The following ARHGAP15 variants were observed in gnomAD, a reference collection of about 807,000 sequenced individuals.
ARHGAP15 encodes Rho GTPase activating protein 15.
Under a neutral mutation model 63.7 loss-of-function variants are expected in ARHGAP15, and 51 were observed. The observed-to-expected ratio is 0.80, with a 90% CI of 0.64 to 1.01. The LOEUF (loss-of-function observed/expected upper bound fraction) is 1.01. Ranked by LOEUF, ARHGAP15 falls within the 50% of genes least tolerant of loss-of-function variation. ARHGAP15 has a pLI of 0.00. For missense variants in ARHGAP15, 560 were observed against 564.6 expected, an observed-to-expected ratio of 0.99 and a Z score of 0.08; for synonymous variants, 191 against 193.8, an observed-to-expected ratio of 0.99 and a Z score of 0.12.
At chr2:143,626,594 T>C (rs1347186801) in intron 12 of ARHGAP15, among the ~76,000 whole-genome samples, 1 of 152,124 alleles carries the variant, frequency 6.6e-6, no homozygotes, top group Non-Finnish European at 1.5e-5. Context: ...GGCCAGCTTT[T>C]ATTCCCTTAT....
chr2:143,416,829 A>G (rs10164678), intron 6 of ARHGAP15, among the ~76,000 whole-genome samples: 5 of 104,842 alleles, frequency 4.8e-5, no homozygotes, highest in African/African-American at 1.9e-4. Flanking sequence ...CCACCCCCCC[A>G]CCCCCACGCC....
chr2:143,273,328 TTGA>T (rs1316481947), intron 6 of ARHGAP15, among the ~76,000 whole-genome samples: 3 of 152,132 alleles, frequency 2.0e-5, no homozygotes, highest in African/African-American at 2.4e-5. Flanking sequence ...TTTGAATTAT[TTGA>T]TGATGATTGG....
Position 143,519,309 on chromosome 2 carries a change from A to G in ARHGAP15, c.870A>G (p.Glu290=). The change falls in exon 10 of 14, where the codon GAA becomes GAG. Residue 290 remains glutamate (E), a synonymous_variant. Transcript: ENST00000295095. ...ATCTGCACAAAGTGTGTGAACGTGA[A>G]AATTCCACAGTTCCGTGGTTTGTAA... ...GSHLHKVCER[E]NSTVPWFVKQ... 6.2e-7 allele frequency: 1 copy of G among 1,613,276 alleles called. No homozygotes were observed. The highest frequency in any genetic ancestry group is 8.5e-7 in the Non-Finnish European group (1 of 1,179,368).
chr2:143,756,033 G>A (rs931409206), intron 13 of ARHGAP15, among the ~76,000 whole-genome samples: 1 of 151,852 alleles, frequency 6.6e-6, no homozygotes, highest in East Asian at 1.9e-4. Flanking sequence ...ACTGAATGAT[G>A]ATACCCAAAT....
At chr2:143,296,575 C>T (rs1682641618) in intron 6 of ARHGAP15, among the ~76,000 whole-genome samples, 1 of 151,906 alleles carries the variant, frequency 6.6e-6, no homozygotes, top group African/African-American at 2.4e-5. Flanking sequence ...CAGTGAAAAC[C>T]CAATCTAGAT....
At chr2:143,625,580 C>T (rs1698805271) in intron 12 of ARHGAP15, among the ~76,000 whole-genome samples, 1 of 152,098 alleles carries the variant, frequency 6.6e-6, no homozygotes, top group Non-Finnish European at 1.5e-5. Flanking sequence ...CTCATGACCC[C>T]TCTACTTCTT....
At chr2:143,482,665 T>A (rs1397806220) in intron 8 of ARHGAP15, among the ~76,000 whole-genome samples, 1 of 152,244 alleles carries the variant, frequency 6.6e-6, no homozygotes, top group Non-Finnish European at 1.5e-5. Flanking sequence ...GTAAACTGTT[T>A]TATAAGTTTG....
rs938554354 is a variant in ARHGAP15 at position 143,418,097 on chromosome 2, C to T, written c.475-17504C>T. Among the ~76,000 whole-genome samples, 11 of 152,232 alleles carry T rather than the reference C, an allele frequency of 7.2e-5. No homozygotes were observed. The East Asian group carries it at 2.1e-3, about 29-fold the overall frequency. Reference sequence around the variant, plus strand: ...AAATTTGCATGGCTTTGGATTAGTACCCTAGTAGCACCTGTTAGCTTAGAG... The same window carrying T: ...AAATTTGCATGGCTTTGGATTAGTATCCTAGTAGCACCTGTTAGCTTAGAG... On this transcript the variant is annotated intron_variant, in intron 6 of 13. Transcript: ENST00000295095.
At chr2:143,518,672 C>T (rs895192127) in intron 9 of ARHGAP15, among the ~76,000 whole-genome samples, 3 of 152,102 alleles carry the variant, frequency 2.0e-5, no homozygotes, top group Non-Finnish European at 4.4e-5. Context: ...AGACACAAAG[C>T]TGAGATAGGA....
At position 143,155,641 on chromosome 2, in the gene ARHGAP15, A is replaced by C. The variant is rs753350230; in HGVS notation, c.151A>C (p.Lys51Gln). 1 of 1,572,002 alleles carries C rather than the reference A, an allele frequency of 6.4e-7. No individual in the cohort carries two copies. Among genetic ancestry groups the C allele is most frequent in the Non-Finnish European group, 8.6e-7 (1 of 1,164,216 alleles). Residue 51 changes from lysine to glutamine, a missense_variant, in exon 2 of 14, where the codon AAG becomes CAG. Transcript: ENST00000295095. ...ATCCATGATCCTCACCGATGTCGGG[A>C]AGGTCACTGAACCTGTAAGTCAAAT... ...SKSMILTDVG[K>Q]VTEPISRHRR...
intron 12 of ARHGAP15, among the ~76,000 whole-genome samples, chr2:143,673,870 A>G (rs941252309): frequency 6.7e-6 from 1 of 149,038 alleles, no homozygotes; most frequent in Non-Finnish European, 1.5e-5. Context: ...AAGAAGATAC[A>G]CAAATGATCG....
chr2:143,448,163 T>C (rs939248338), intron 8 of ARHGAP15, among the ~76,000 whole-genome samples: 10 of 152,128 alleles, frequency 6.6e-5, no homozygotes, highest in Admixed American at 3.3e-4. Flanking sequence ...GAGCATAAAA[T>C]AGTTGAAGAG....
intron 13 of ARHGAP15, among the ~76,000 whole-genome samples, chr2:143,734,498 G>A (rs982080741): frequency 1.3e-5 from 2 of 152,184 alleles, no homozygotes; most frequent in South Asian, 4.2e-4. Context: ...TTGTTCCCTC[G>A]TAAAAAATTG....
At chr2:143,747,473 C>A (rs1686214019) in intron 13 of ARHGAP15, among the ~76,000 whole-genome samples, 1 of 152,106 alleles carries the variant, frequency 6.6e-6, no homozygotes, top group African/African-American at 2.4e-5. Flanking sequence ...ATGTAACCAC[C>A]ATTATAGTGT....
chr2:143,630,537 T>A (rs1699023145), intron 12 of ARHGAP15, among the ~76,000 whole-genome samples: 2 of 152,104 alleles, frequency 1.3e-5, no homozygotes, highest in Admixed American at 1.3e-4. Context: ...CTCTTCTGGT[T>A]ACTTTCATAA....
intron 13 of ARHGAP15, among the ~76,000 whole-genome samples, chr2:143,721,565 G>C (rs1351537776): frequency 6.6e-6 from 1 of 152,180 alleles, no homozygotes; most frequent in Non-Finnish European, 1.5e-5. Context: ...TGAATCAAGA[G>C]AAGACAAGAT....
intron 7 of ARHGAP15, 99 bp downstream of exon 7, chr2:143,435,798 C>T: frequency 8.3e-7 from 1 of 1,204,592 alleles, no homozygotes; most frequent in Non-Finnish European, 1.1e-6. Flanking sequence ...TAAATAGATC[C>T]TATGGACTGA....
intron 12 of ARHGAP15, among the ~76,000 whole-genome samples, chr2:143,662,257 C>T (rs1173808239): frequency 5.3e-5 from 8 of 151,454 alleles, no homozygotes; most frequent in Admixed American, 3.3e-4. Context: ...GGTCCCTGAC[C>T]CCTGACCCCC....
chr2:143,246,849 T>A (rs1359309264), intron 5 of ARHGAP15, among the ~76,000 whole-genome samples: 3 of 151,982 alleles, frequency 2.0e-5, no homozygotes, highest in Non-Finnish European at 4.4e-5. Flanking sequence ...AGCAGCAGAA[T>A]GAAAATCACT....
Sources: allele counts gnomAD v4.1 joint callset (sites outside exome capture counted in the v4.1 genomes callset), GRCh38; gene constraint gnomAD v4.1.1; transcripts MANE v1.5; gene names NCBI Gene and HGNC (gene_info 2026-07-23, HGNC 2026-07-21).